The following CYYR1 variants were observed in gnomAD, a reference collection of about 807,000 sequenced individuals.
CYYR1 encodes cysteine and tyrosine rich 1.
A neutral mutation model predicts 15.2 loss-of-function variants in CYYR1; 14 were observed. The ratio of observed to expected loss-of-function variants is 0.92; its 90% CI spans 0.61 to 1.44. The LOEUF (loss-of-function observed/expected upper bound fraction) is 1.44, where lower values mean the gene tolerates loss of function less well. CYYR1 is among the 40% of genes most tolerant of loss of function. The pLI, the probability that CYYR1 is intolerant of heterozygous loss-of-function variation, is 0.00. For missense variants in CYYR1, 228 were observed against 209.5 expected, an observed-to-expected ratio of 1.09 and a Z score of -0.54; for synonymous variants, 80 against 77.4, an observed-to-expected ratio of 1.03 and a Z score of -0.18.
intron 2 of CYYR1, among the ~76,000 whole-genome samples, chr21:26,563,477 C>CA (rs1162822155): frequency 6.6e-6 from 1 of 152,090 alleles, no homozygotes; most frequent in Non-Finnish European, 1.5e-5. Flanking sequence ...GAGGTTGAGG[C>CA]ATGAGAATTG....
chr21:26,480,619 A>T (rs982247859), intron 2 of CYYR1, among the ~76,000 whole-genome samples, 190 bp from the exon 3 acceptor site: 1 of 151,536 alleles, frequency 6.6e-6, no homozygotes, highest in Non-Finnish European at 1.5e-5. Context: ...AATAGTCTGT[A>T]TTTCAATAGA....
chr21:26,564,721 T>C (rs1469379301), intron 2 of CYYR1: 29 of 1,206,322 alleles, frequency 2.4e-5, no homozygotes, highest in Non-Finnish European at 2.3e-5. Context: ...ATATAGTTAG[T>C]GAATCAAGAG....
chr21:26,473,394 A>AT (rs1474979067), intron 3 of CYYR1, among the ~76,000 whole-genome samples: 2 of 152,138 alleles, frequency 1.3e-5, no homozygotes, highest in African/African-American at 4.8e-5. Flanking sequence ...ATGGCCTAAC[A>AT]TGCAAAGATA....
At chr21:26,541,902 C>T (rs557530029) in intron 2 of CYYR1, among the ~76,000 whole-genome samples, 7 of 152,062 alleles carry the variant, frequency 4.6e-5, no homozygotes, top group Admixed American at 2.6e-4. Flanking sequence ...GCTAAAAAGC[C>T]AAGATAAATT....
intron 2 of CYYR1, among the ~76,000 whole-genome samples, chr21:26,557,755 T>C (rs1979899616): frequency 6.6e-6 from 1 of 152,180 alleles, no homozygotes; most frequent in Non-Finnish European, 1.5e-5. Flanking sequence ...TGATGTTTCA[T>C]GCTCTCCACT....
chr21:26,567,781 C>T (rs1160463072), intron 1 of CYYR1, among the ~76,000 whole-genome samples: 2 of 152,018 alleles, frequency 1.3e-5, no homozygotes, highest in African/African-American at 4.8e-5. Context: ...CTGATTTATC[C>T]AGAAAGGAAA....
intron 3 of CYYR1, among the ~76,000 whole-genome samples, chr21:26,469,892 A>G (rs918990890): frequency 6.6e-6 from 1 of 152,146 alleles, no homozygotes; most frequent in East Asian, 1.9e-4. Flanking sequence ...AGTGTTGAAA[A>G]AGAAGTACTC....
At chr21:26,529,206 C>T (rs914441944) in intron 2 of CYYR1, among the ~76,000 whole-genome samples, 2 of 152,134 alleles carry the variant, frequency 1.3e-5, no homozygotes, top group African/African-American at 4.8e-5. Flanking sequence ...TTAGAGGTGG[C>T]AATTTGAATA....
intron 1 of CYYR1, among the ~76,000 whole-genome samples, chr21:26,570,580 G>C (rs546389220): frequency 1.3e-5 from 2 of 152,290 alleles, no homozygotes; most frequent in South Asian, 4.1e-4. Flanking sequence ...ACAACATGAT[G>C]CTTCAGGTAT....
chr21:26,498,944 A>C lies in CYYR1; in HGVS notation c.177-18515T>G, dbSNP rs971744645. Among the ~76,000 whole-genome samples, 15 of 152,214 alleles carry C rather than the reference A, an allele frequency of 9.9e-5. 1 individual carries two copies. The highest frequency in any genetic ancestry group is 3.6e-4 in the African/African-American group (15 of 41,556). On this transcript the variant is annotated intron_variant, in intron 2 of 3. Coordinates refer to ENST00000652641, the MANE Select transcript of CYYR1 (RefSeq NM_001320768.2). Reference sequence around the variant, plus strand: ...TCCCACTGGGTCCCTCCCACAACACATGGGGATTATGGGAACTACAATTCA... The same window carrying C: ...TCCCACTGGGTCCCTCCCACAACACCTGGGGATTATGGGAACTACAATTCA...
intron 2 of CYYR1, chr21:26,551,290 A>G (rs1979369091): frequency 6.6e-6 from 1 of 152,428 alleles, no homozygotes; most frequent in African/African-American, 2.4e-5. Context: ...CGCTGTGTTC[A>G]TGCCTGCTAA....
At chr21:26,479,825 A>G (rs965530639) in intron 3 of CYYR1, among the ~76,000 whole-genome samples, 1 of 152,098 alleles carries the variant, frequency 6.6e-6, no homozygotes, top group Non-Finnish European at 1.5e-5. Context: ...TGAGAATTTT[A>G]ATATTGTGTT....
At chr21:26,499,848 T>G (rs565770512) in intron 2 of CYYR1, among the ~76,000 whole-genome samples, 26 of 151,828 alleles carry the variant, frequency 1.7e-4, no homozygotes, top group African/African-American at 4.8e-4. Context: ...TTTTTTTTTT[T>G]TTTTCAGAGA....
At chr21:26,539,836 A>G (rs1978421658) in intron 2 of CYYR1, among the ~76,000 whole-genome samples, 2 of 152,210 alleles carry the variant, frequency 1.3e-5, no homozygotes, top group Admixed American at 1.3e-4. Flanking sequence ...GTACAGATAG[A>G]CATTTGCATT....
intron 2 of CYYR1, among the ~76,000 whole-genome samples, chr21:26,491,627 A>T (rs1209621460): frequency 1.3e-5 from 2 of 152,192 alleles, no homozygotes; most frequent in Non-Finnish European, 2.9e-5. Flanking sequence ...TTAAATATTT[A>T]AAGATTCTAA....
rs148969695 is a variant in CYYR1 at position 26,491,445 on chromosome 21, T to A, written c.177-11016A>T. ...TTGAGATTTAAGTCCTGAGAGCATATAAGACTTAAAAGATTGAATGCGATA... is the reference window on the plus strand; with the variant it reads ...TTGAGATTTAAGTCCTGAGAGCATAAAAGACTTAAAAGATTGAATGCGATA... On this transcript the variant is annotated intron_variant, in intron 2 of 3. Transcript: ENST00000652641. Among the ~76,000 whole-genome samples, 6 of 152,250 alleles carry A rather than the reference T, an allele frequency of 3.9e-5. 1 individual carries two copies. Among genetic ancestry groups the A allele is most frequent in the African/African-American group, 1.4e-4 (6 of 41,556 alleles).
At chr21:26,472,776 T>C (rs1281769361) in intron 3 of CYYR1, among the ~76,000 whole-genome samples, 4 of 152,144 alleles carry the variant, frequency 2.6e-5, no homozygotes, top group African/African-American at 4.8e-5. Context: ...TTTAAAACCA[T>C]AACAAAATAT....
At chr21:26,522,990 G>A (rs1441113163) in intron 2 of CYYR1, among the ~76,000 whole-genome samples, 1 of 152,174 alleles carries the variant, frequency 6.6e-6, no homozygotes, top group Admixed American at 6.5e-5. Context: ...GGAGGCAAAG[G>A]ATCTTGTGCA....
intron 2 of CYYR1, chr21:26,564,518 A>T: frequency 3.6e-6 from 1 of 276,458 alleles, no homozygotes; most frequent in Non-Finnish European, 5.5e-6. Context: ...TCACTTAACC[A>T]GCGGTGAGAT....
Sources: allele counts gnomAD v4.1 joint callset (sites outside exome capture counted in the v4.1 genomes callset), GRCh38; gene constraint gnomAD v4.1.1; transcripts MANE v1.5; gene names NCBI Gene and HGNC (gene_info 2026-07-23, HGNC 2026-07-21).